The following CHD2 variants were observed in gnomAD, a reference collection of about 807,000 sequenced individuals.
CHD2 encodes ATP-dependent chromatin remodeler CHD2.
CHD2 carries 28 observed loss-of-function variants against 243.9 expected under a neutral mutation model. That is an observed-to-expected ratio of 0.11 (90% CI 0.09 to 0.16). CHD2 has a LOEUF of 0.16. Ranked by LOEUF, CHD2 falls within the 10% of genes least tolerant of loss-of-function variation. The probability of loss-of-function intolerance (pLI) is 1.00; values close to 1 mark genes in which losing one functional copy is unlikely to be tolerated. For missense variants in CHD2, 1,386 were observed against 2,209.8 expected, an observed-to-expected ratio of 0.63 and a Z score of 7.47; for synonymous variants, 775 against 779.0, an observed-to-expected ratio of 0.99 and a Z score of 0.09.
intron 12 of CHD2, chr15:92,947,155 A>C (rs182647021): frequency 9.2e-5 from 14 of 152,320 alleles, no homozygotes; most frequent in African/African-American, 3.4e-4. Context: ...ATGGCACTAG[A>C]ATTCTATCTG....
chr15:92,994,135 G>T (rs1417461192), intron 28 of CHD2, among the ~76,000 whole-genome samples: 1 of 152,084 alleles, frequency 6.6e-6, no homozygotes, highest in Non-Finnish European at 1.5e-5. Context: ...AAATCTTCAG[G>T]CTCCAGAGAA....
intron 25 of CHD2, 58 bp from the exon 26 acceptor site, chr15:92,985,440 C>T: frequency 6.6e-7 from 1 of 1,514,162 alleles, no homozygotes; most frequent in Non-Finnish European, 8.9e-7. Flanking sequence ...TCTCTTAGTC[C>T]TTTCACCACT....
At position 92,966,686 on chromosome 15, in the gene CHD2, G is replaced by A. The variant is rs1020799503; in HGVS notation, c.2001-639G>A. Reference sequence around the variant, plus strand: ...AGCACTTTGGGAGGCCGAGGCAGGCGGATCACTTGAGGTCAGGAGTTTGAG... The same window carrying A: ...AGCACTTTGGGAGGCCGAGGCAGGCAGATCACTTGAGGTCAGGAGTTTGAG... On this transcript the variant is annotated intron_variant, in intron 16 of 38. Transcript: ENST00000394196. Among the ~76,000 whole-genome samples, 9 of 152,136 alleles carry A rather than the reference G, an allele frequency of 5.9e-5. No individual in the cohort carries two copies. In the East Asian group the frequency reaches 7.8e-4, roughly 13 times the overall value.
chr15:92,905,178 T>TG (rs1176907963), intron 2 of CHD2, among the ~76,000 whole-genome samples: 2 of 152,236 alleles, frequency 1.3e-5, no homozygotes, highest in African/African-American at 4.8e-5. Flanking sequence ...TAATAGCACT[T>TG]GCTAATGCAG....
rs753928919 is a variant in CHD2 at position 93,000,552 on chromosome 15, A to G, written c.4049A>G (p.Asn1350Ser). Residue 1350 changes from asparagine (N) to serine (S), a missense_variant, in exon 32 of 39, where the codon AAC becomes AGC. Physicochemically the swap from Asn to Ser is conservative, Grantham distance 46 (BLOSUM62 1). This residue lies in a region of CHD2 where 125 missense variants were observed against 128.9 expected (regional missense o/e 0.97). Transcript: ENST00000394196. ...CGGAAGCCTCGGGTAAAGAAGGAAA[A>G]CAAAGTGCCCAGGCTGAAAGAGGAG... Reference protein sequence around the residue: ...KKRKPRVKKENKVPRLKEEHG... With the variant: ...KKRKPRVKKESKVPRLKEEHG... 6.2e-7 allele frequency: 1 copy of G among 1,613,662 alleles called. No homozygotes were observed. Among genetic ancestry groups the G allele is most frequent in the East Asian group, 2.2e-5 (1 of 44,870 alleles).
At chr15:92,995,073 A>G (rs1043642820) in intron 28 of CHD2, among the ~76,000 whole-genome samples, 12 of 152,322 alleles carry the variant, frequency 7.9e-5, no homozygotes, top group African/African-American at 2.2e-4. Context: ...ACCAATACCA[A>G]TCTTACTGTT....
intron 2 of CHD2, among the ~76,000 whole-genome samples, chr15:92,921,695 T>C (rs912988946): frequency 6.6e-6 from 1 of 152,330 alleles, no homozygotes; most frequent in African/African-American, 2.4e-5. Flanking sequence ...GGATGTGATA[T>C]GCTCAGATTT....
chr15:92,913,676 A>G (rs1226576070), intron 2 of CHD2, among the ~76,000 whole-genome samples: 2 of 152,198 alleles, frequency 1.3e-5, no homozygotes, highest in Non-Finnish European at 2.9e-5. Flanking sequence ...ATTTAGGGAG[A>G]TGCCATTTCT....
intron 10 of CHD2, chr15:92,945,389 C>CTTTTTTTT (rs149239392): frequency 1.6e-5 from 2 of 127,182 alleles, no homozygotes; most frequent in Non-Finnish European, 3.4e-5. Flanking sequence ...TCTTCTTCTT[C>CTTTTTTTT]TTCTTCTTTT....
intron 17 of CHD2, among the ~76,000 whole-genome samples, chr15:92,971,263 A>C (rs758345626): frequency 6.6e-6 from 1 of 152,194 alleles, no homozygotes; most frequent in Non-Finnish European, 1.5e-5. Context: ...CCAAATCTGG[A>C]AATCAGAACT....
intron 26 of CHD2, among the ~76,000 whole-genome samples, chr15:92,990,247 T>C (rs2054099436): frequency 6.6e-6 from 1 of 152,204 alleles, no homozygotes; most frequent in Non-Finnish European, 1.5e-5. Flanking sequence ...GCTGTGCTGC[T>C]GGTTACACAG....
At chr15:92,952,110 G>T (rs1291751849) in intron 13 of CHD2, among the ~76,000 whole-genome samples, 1 of 152,154 alleles carries the variant, frequency 6.6e-6, no homozygotes, top group African/African-American at 2.4e-5. Context: ...CTGCCAAAAT[G>T]ACTGTATTCT....
intron 2 of CHD2, among the ~76,000 whole-genome samples, chr15:92,913,860 CAA>C (rs1311476019): frequency 6.6e-6 from 1 of 152,014 alleles, no homozygotes; most frequent in South Asian, 2.1e-4. Flanking sequence ...CCAAAAAAAA[CAA>C]AAACCCTATG....
At chr15:93,005,801 G>A (rs1198308589) in intron 34 of CHD2, among the ~76,000 whole-genome samples, 1 of 152,126 alleles carries the variant, frequency 6.6e-6, no homozygotes, top group African/African-American at 2.4e-5. Context: ...TGAGTAAATT[G>A]AATAAATGAA....
rs374640261 is a variant in CHD2 at position 92,945,822 on chromosome 15, T to A, written c.1155T>A (p.Ala385=). 4.2e-5 allele frequency: 65 copies of A among 1,565,368 alleles called. No homozygotes were observed. Among genetic ancestry groups the A allele is most frequent in the Non-Finnish European group, 5.6e-5 (65 of 1,152,600 alleles). The change falls in exon 11 of 39, where the codon GCT becomes GCA. Residue 385 remains alanine, a splice_region_variant and synonymous_variant. Coordinates refer to ENST00000394196, the MANE Select transcript of CHD2 (RefSeq NM_001271.4). Reference sequence around the variant, plus strand: ...CTGTCTTATTTTTTATTTGTTTAGCTGTGAAGACAAGTAAATCTACATTGG... The same window carrying A: ...CTGTCTTATTTTTTATTTGTTTAGCAGTGAAGACAAGTAAATCTACATTGG... ...KQYQIVERVI[A]VKTSKSTLGQ...
chr15:92,947,312 A>C (rs2053485747), intron 12 of CHD2: 1 of 152,240 alleles, frequency 6.6e-6, no homozygotes, highest in Non-Finnish European at 1.5e-5. Flanking sequence ...CCCTTGTATA[A>C]TGGATTGGTG....
intron 5 of CHD2, among the ~76,000 whole-genome samples, chr15:92,931,289 T>C (rs2053161885): frequency 6.6e-6 from 1 of 152,222 alleles, no homozygotes; most frequent in Non-Finnish European, 1.5e-5. Context: ...TTCCAAACTT[T>C]AGGAAAGTTG....
chr15:92,989,966 C>T (rs1341440947), intron 26 of CHD2, among the ~76,000 whole-genome samples: 1 of 152,202 alleles, frequency 6.6e-6, no homozygotes, highest in Non-Finnish European at 1.5e-5. Context: ...GAACATCTTT[C>T]CTCCCAGTTT....
chr15:92,998,667 T>C lies in CHD2; in HGVS notation c.4008+46T>C. On this transcript the variant is annotated intron_variant, in intron 31 of 38. Transcript: ENST00000394196. This position sits in a 1 kb window ranked among gnomAD's most constrained non-coding sequence, Gnocchi z 5.1. The stretch of plus-strand genomic sequence containing the variant: ...TTGTTTTTCAGGGGCCTGAGGCTCC[T>C]ACCCTGCAGAATTAGGTAGGAAGAG... 6.3e-7 allele frequency: 1 copy of C among 1,597,924 alleles called. No homozygotes were observed. Among genetic ancestry groups the C allele is most frequent in the Non-Finnish European group, 8.5e-7 (1 of 1,170,054 alleles).
Sources: allele counts gnomAD v4.1 joint callset (sites outside exome capture counted in the v4.1 genomes callset), GRCh38; gene constraint gnomAD v4.1.1; regional missense constraint gnomAD v4.1.1; non-coding constraint Gnocchi (gnomAD v3.1); transcripts MANE v1.5; gene names NCBI Gene and HGNC (gene_info 2026-07-23, HGNC 2026-07-21).